The following PHF14 variants were observed in gnomAD, a reference collection of about 807,000 sequenced individuals.
PHF14 encodes the protein PHD finger protein 14.
Under a neutral mutation model 117.9 loss-of-function variants are expected in PHF14, and 55 were observed. The ratio of observed to expected loss-of-function variants is 0.47; its 90% CI spans 0.38 to 0.58. PHF14 has a LOEUF of 0.58. PHF14 is among the 20% of genes least tolerant of loss of function. The pLI is 0.00. For missense variants in PHF14, 978 were observed against 1,122.2 expected (o/e 0.87, Z 1.84); for synonymous variants, 409 against 368.6 (o/e 1.11, Z -1.26).
chr7:11,032,858 T>C (rs890522764), intron 7 of PHF14, among the ~76,000 whole-genome samples: 2 of 152,216 alleles, frequency 1.3e-5, no homozygotes, highest in African/African-American at 4.8e-5. Flanking sequence ...GTTACCTCTA[T>C]TTAGAAATCT....
rs755482475 is a variant in PHF14, at chr7:11,038,794, A to G, written c.2015A>G (p.Asn672Ser). 7.5e-6 allele frequency: 12 copies of G among 1,596,886 alleles called. No homozygotes were observed. Among genetic ancestry groups the G allele is most frequent in the South Asian group, 5.7e-5 (5 of 88,252 alleles). Residue 672 changes from asparagine (N) to serine (S), a missense_variant, in exon 11 of 18, where the codon AAT becomes AGT. Transcript: ENST00000634607. The stretch of plus-strand genomic sequence containing the variant: ...TCTTTAGAAGAACTACAAAACCTGA[A>G]TGGAAAACTTCGAAGTGAAGGACAA... ...CESLEELQNL[N>S]GKLRSEGQGI...
chr7:10,976,160 A>T (rs1272679036), intron 2 of PHF14, among the ~76,000 whole-genome samples: 1 of 152,208 alleles, frequency 6.6e-6, no homozygotes, highest in Non-Finnish European at 1.5e-5. Context: ...GAGTTGATGG[A>T]CGGAATCTTA....
intron 17 of PHF14, among the ~76,000 whole-genome samples, chr7:11,167,814 G>A (rs1789244447): frequency 6.6e-6 from 1 of 152,108 alleles, no homozygotes; most frequent in Admixed American, 6.6e-5. Context: ...CAGATCACGA[G>A]GTCAGGAGAT....
At chr7:10,976,984 G>C (rs1457324513) in intron 2 of PHF14, among the ~76,000 whole-genome samples, 6 of 151,302 alleles carry the variant, frequency 4.0e-5, no homozygotes, top group African/African-American at 1.5e-4. Context: ...TATTTAAAAT[G>C]ATTAGTAGTC....
At chr7:11,018,098 T>C (rs1054999139) in intron 5 of PHF14, among the ~76,000 whole-genome samples, 1 of 152,296 alleles carries the variant, frequency 6.6e-6, no homozygotes, top group Non-Finnish European at 1.5e-5. Context: ...TTCTGAGTTC[T>C]GTATTTTGTT....
intron 16 of PHF14, among the ~76,000 whole-genome samples, chr7:11,091,075 A>C (rs997061359): frequency 5.9e-5 from 9 of 152,144 alleles, no homozygotes; most frequent in African/African-American, 1.7e-4. Context: ...GATACAAAGG[A>C]GAGGATTGTA....
At chr7:11,091,364 A>G (rs1221442459) in intron 16 of PHF14, among the ~76,000 whole-genome samples, 1 of 152,192 alleles carries the variant, frequency 6.6e-6, no homozygotes, top group African/African-American at 2.4e-5. Flanking sequence ...GGCTATATTT[A>G]TTTTTTGGAG....
At chr7:11,032,497 TAA>T (rs113622468) in intron 7 of PHF14, among the ~76,000 whole-genome samples, 37 of 144,084 alleles carry the variant, frequency 2.6e-4, no homozygotes, top group Admixed American at 4.9e-4. Context: ...GAGCTTTGTT[TAA>T]AAAAAAAAAA....
chr7:11,107,025 C>G (rs1787291830), intron 16 of PHF14: 1 of 983,416 alleles, frequency 1.0e-6, no homozygotes, highest in Middle Eastern at 5.2e-4. Flanking sequence ...GTTTAGCTTA[C>G]AAATGGCTAT....
intron 12 of PHF14, 109 bp from the exon 13 acceptor site, chr7:11,042,574 A>G: frequency 3.0e-6 from 2 of 669,424 alleles, no homozygotes; most frequent in Non-Finnish European, 4.8e-6. Flanking sequence ...CAGAAGAAAT[A>G]GTAAGTTAAA....
chr7:11,091,739 C>T (rs1419409073), intron 16 of PHF14, among the ~76,000 whole-genome samples: 3 of 152,036 alleles, frequency 2.0e-5, no homozygotes, highest in Admixed American at 6.6e-5. Flanking sequence ...GCCTGGGTGA[C>T]GGAGCGAGAC....
intron 2 of PHF14, among the ~76,000 whole-genome samples, chr7:10,975,748 G>C (rs1189499899): frequency 3.3e-5 from 5 of 152,132 alleles, no homozygotes; most frequent in Non-Finnish European, 7.4e-5. Context: ...AATAAAGTGA[G>C]ATGAAAATTT....
intron 2 of PHF14, among the ~76,000 whole-genome samples, chr7:10,978,072 C>G (rs998062391): frequency 2.6e-5 from 4 of 152,102 alleles, no homozygotes; most frequent in African/African-American, 9.7e-5. Flanking sequence ...AGATCTTGAT[C>G]AAAAGTTAGT....
chr7:11,154,219 T>C (rs73679503), intron 17 of PHF14, among the ~76,000 whole-genome samples: 3,618 of 152,216 alleles, frequency 0.024, 145 homozygotes, highest in African/African-American at 0.082. Flanking sequence ...AATACTGATA[T>C]TTACCATTTA....
intron 16 of PHF14, chr7:11,106,414 A>C: frequency 1.0e-6 from 1 of 960,608 alleles, no homozygotes; most frequent in Non-Finnish European, 1.2e-6. Context: ...ACCATTTTCT[A>C]ATTATTTTGT....
intron 16 of PHF14, among the ~76,000 whole-genome samples, chr7:11,097,708 A>G (rs969517032): frequency 2.6e-5 from 4 of 152,192 alleles, no homozygotes; most frequent in Non-Finnish European, 4.4e-5. Flanking sequence ...CCTTCCCTTC[A>G]CATTCTCAAA....
intron 4 of PHF14, among the ~76,000 whole-genome samples, chr7:11,001,668 C>T (rs1782881727): frequency 1.3e-5 from 2 of 151,706 alleles, no homozygotes; most frequent in South Asian, 4.1e-4. Flanking sequence ...TTCAATTCTA[C>T]TTGTTCATTG....
chr7:11,136,150 A>T (rs1336515764), intron 17 of PHF14, among the ~76,000 whole-genome samples: 1 of 152,134 alleles, frequency 6.6e-6, no homozygotes, highest in Non-Finnish European at 1.5e-5. Context: ...TTCATTTCTC[A>T]TCACATATTA....
intron 17 of PHF14, among the ~76,000 whole-genome samples, chr7:11,154,288 G>A (rs1056777722): frequency 3.3e-5 from 5 of 152,062 alleles, no homozygotes; most frequent in African/African-American, 1.2e-4. Flanking sequence ...GTGTGTGTCT[G>A]TACATTTGCA....
Sources: gnomAD v4.1 joint callset for allele counts (sites outside exome capture counted in the v4.1 genomes callset) on GRCh38, gnomAD v4.1.1 for gene constraint, MANE v1.5 for transcripts, NCBI Gene and HGNC (gene_info 2026-07-23, HGNC 2026-07-21) for gene names.